VGLL1: variants seen among roughly 807,000 people sequenced by gnomAD.
The protein encoded by VGLL1 is vestigial like family member 1.
VGLL1 carries 4 observed loss-of-function variants against 12.0 expected under a neutral mutation model. The observed-to-expected ratio is 0.33, with a 90% CI of 0.16 to 0.76. VGLL1 has a LOEUF of 0.76. Ranked by LOEUF, VGLL1 falls within the 30% of genes least tolerant of loss-of-function variation. The probability of loss-of-function intolerance (pLI) is 0.60; values close to 1 mark genes in which losing one functional copy is unlikely to be tolerated. For synonymous variants in VGLL1, 87 were observed against 81.2 expected, an observed-to-expected ratio of 1.07 and a Z score of -0.39; for missense variants, 204 against 208.7, an observed-to-expected ratio of 0.98 and a Z score of 0.14.
intron 2 of VGLL1, among the ~76,000 whole-genome samples, chrX:136,545,687 A>G (rs1420528642): frequency 9.0e-6 from 1 of 111,671 alleles, no homozygotes; most frequent in African/African-American, 3.3e-5. Flanking sequence ...CTAATCTGGA[A>G]TAGGAAGTCA....
At chrX:136,541,497 C>T (rs2075855960) in intron 2 of VGLL1, among the ~76,000 whole-genome samples, 1 of 112,609 alleles carries the variant, frequency 8.9e-6, no homozygotes, top group South Asian at 3.7e-4. Context: ...TCTGCTGCCT[C>T]AGGGGAGGGC....
intron 4 of VGLL1, among the ~76,000 whole-genome samples, chrX:136,554,104 T>C (rs988080686): frequency 1.8e-5 from 2 of 111,892 alleles, no homozygotes; most frequent in Non-Finnish European, 3.8e-5. Context: ...GAGTTAATAG[T>C]TTCGTGGGGA....
rs1436802397 is a variant in VGLL1, at chrX:136,536,218, T to A, written c.198T>A (p.Gly66=). The stretch of plus-strand genomic sequence containing the variant: ...TGACCCCCTCGAGTCAGAGTGAAGG[T>A]GTGATGCTGAAAAACGGTGAGCATG... The part of the protein sequence containing the change: ...QELTPSSQSE[G]VMLKNDDSMS... The change falls in exon 2 of 5, where the codon GGT becomes GGA. Residue 66 remains glycine (G), a synonymous_variant. Transcript: ENST00000370634. 2.5e-6 allele frequency: 3 copies of A among 1,207,027 alleles called. No homozygotes were observed. The African/African-American group carries it at 5.3e-5, about 21-fold the overall frequency.
chrX:136,556,472 C>G lies in VGLL1; in HGVS notation c.710C>G (p.Pro237Arg). 1 of 1,210,784 alleles carries G rather than the reference C, an allele frequency of 8.3e-7. No individual in the cohort carries two copies. The highest frequency in any genetic ancestry group is 1.1e-6 in the Non-Finnish European group (1 of 894,863). ...TTAGCTCTTTCAGAGTTAGAGACAC[C>G]TGGGAAATACTCACTTACACCACCA... ...PNETLSELET[P>R]GKYSLTPPNH... is the part of the protein sequence containing the mutation. Residue 237 changes from proline to arginine, a missense_variant, in exon 5 of 5, where the codon CCT becomes CGT. Coordinates refer to ENST00000370634, the MANE Select transcript of VGLL1 (RefSeq NM_016267.4).
intron 2 of VGLL1, among the ~76,000 whole-genome samples, chrX:136,542,849 G>A (rs1454715110): frequency 9.0e-6 from 1 of 111,512 alleles, no homozygotes; most frequent in African/African-American, 3.3e-5. Context: ...TACCTATAAG[G>A]ACTATCGCTA....
intron 1 of VGLL1, among the ~76,000 whole-genome samples, chrX:136,534,414 T>TA (rs1334502882): frequency 8.9e-6 from 1 of 112,808 alleles, no homozygotes; most frequent in African/African-American, 3.2e-5. Flanking sequence ...ATGTGGCCTT[T>TA]AGTGTCTGGA....
chrX:136,543,669 C>T (rs2075862245), intron 2 of VGLL1, among the ~76,000 whole-genome samples: 1 of 109,189 alleles, frequency 9.2e-6, no homozygotes, highest in Non-Finnish European at 1.9e-5. Context: ...GAGGCTGAGG[C>T]GGGAGGATTG....
intron 2 of VGLL1, among the ~76,000 whole-genome samples, chrX:136,544,463 C>T (rs140390057): frequency 8.9e-6 from 1 of 112,298 alleles, no homozygotes; most frequent in East Asian, 2.8e-4. Context: ...AAGTGCCCAC[C>T]TCACTGCATT....
rs376954296 is a variant in VGLL1, at chrX:136,542,460, A to T, written c.215-6129A>T. Among the ~76,000 whole-genome samples, 13 of 112,205 alleles carry T rather than the reference A, an allele frequency of 1.2e-4. No homozygotes were observed. The East Asian group carries it at 3.7e-3, about 32-fold the overall frequency. On this transcript the variant is annotated intron_variant, in intron 2 of 4. Coordinates refer to ENST00000370634, the MANE Select transcript of VGLL1 (RefSeq NM_016267.4). ...CAAATCTAACCTATGGTGTCAGAAG[A>T]CAGGATATGGTTACGTTTTGGGGGT... is the stretch of plus-strand genomic sequence containing the variant.
At position 136,550,753 on chromosome X, in the gene VGLL1, C is replaced by T; in HGVS notation, c.635-15C>T. 5 of 1,199,643 alleles carry T rather than the reference C, an allele frequency of 4.2e-6. No individual in the cohort carries two copies. In the South Asian group the frequency reaches 9.0e-5, roughly 22 times the overall value. On this transcript the variant is annotated splice_polypyrimidine_tract_variant and intron_variant, in intron 3 of 4. Transcript: ENST00000370634. ...GAAATTTCAGTTCCAATAATGTTTT[C>T]TTCTTCTTTTCTAGATAAGAAACTA...
chrX:136,537,731 A>ATTT (rs758312135), intron 2 of VGLL1, among the ~76,000 whole-genome samples: 13 of 100,325 alleles, frequency 1.3e-4, no homozygotes, highest in African/African-American at 4.0e-4. Context: ...AGCTAATTTA[A>ATTT]TTTTTTTTTT....
chrX:136,555,617 T>C (rs1438748927), intron 4 of VGLL1, among the ~76,000 whole-genome samples: 1 of 111,534 alleles, frequency 9.0e-6, no homozygotes, highest in Non-Finnish European at 1.9e-5. Flanking sequence ...CCATTGAAAG[T>C]ATAGAAAAGA....
At chrX:136,542,814 A>T (rs1320516159) in intron 2 of VGLL1, among the ~76,000 whole-genome samples, 2 of 111,885 alleles carry the variant, frequency 1.8e-5, no homozygotes, top group Non-Finnish European at 3.8e-5. Flanking sequence ...GTACACTCTG[A>T]CAATGCCCCA....
intron 2 of VGLL1, among the ~76,000 whole-genome samples, chrX:136,536,741 G>C (rs946047438): frequency 6.2e-5 from 7 of 112,296 alleles, no homozygotes; most frequent in African/African-American, 2.3e-4. Flanking sequence ...TTAAATGAAA[G>C]TTCTGTGAGG....
intron 4 of VGLL1, among the ~76,000 whole-genome samples, chrX:136,555,090 G>A (rs1303177282): frequency 8.9e-6 from 1 of 112,070 alleles, no homozygotes; most frequent in Non-Finnish European, 1.9e-5. Flanking sequence ...GACTGAAAAG[G>A]TGTAGCCAGT....
At chrX:136,553,836 G>T in intron 4 of VGLL1, among the ~76,000 whole-genome samples, 1 of 111,932 alleles carries the variant, frequency 8.9e-6, no homozygotes, top group Middle Eastern at 4.6e-3. Context: ...TGGAGCAGAA[G>T]AGTCATCAGA....
chrX:136,537,683 G>A (rs1020531085), intron 2 of VGLL1, among the ~76,000 whole-genome samples: 8 of 110,508 alleles, frequency 7.2e-5, no homozygotes, highest in African/African-American at 2.0e-4. Context: ...CCTTAGCCTC[G>A]CAAGTAGCTA....
chrX:136,543,857 G>A (rs1220560609), intron 2 of VGLL1, among the ~76,000 whole-genome samples: 1 of 111,901 alleles, frequency 8.9e-6, no homozygotes, highest in Non-Finnish European at 1.9e-5. Context: ...AGGAAATCAG[G>A]CAATCATGGA....
chrX:136,549,126 G>A, intron 3 of VGLL1, 118 bp downstream of exon 3: 1 of 727,853 alleles, frequency 1.4e-6, no homozygotes, highest in Non-Finnish European at 2.0e-6. Context: ...TAGGGCTGCT[G>A]AGGGAAGGGA....
Sources: allele counts gnomAD v4.1 joint callset (sites outside exome capture counted in the v4.1 genomes callset), GRCh38; gene constraint gnomAD v4.1.1; transcripts MANE v1.5; gene names NCBI Gene and HGNC (gene_info 2026-07-23, HGNC 2026-07-21).